Variants in NPAS3 observed in about 807,000 individuals in gnomAD.
NPAS3 encodes neuronal PAS domain protein 3.
Under a neutral mutation model 73.1 loss-of-function variants are expected in NPAS3, and 14 were observed. That is an observed-to-expected ratio of 0.19 (90% CI 0.13 to 0.30). NPAS3 has a LOEUF of 0.30. Ranked by LOEUF, NPAS3 falls within the 10% of genes least tolerant of loss-of-function variation. The probability of loss-of-function intolerance (pLI) is 1.00; values close to 1 mark genes in which losing one functional copy is unlikely to be tolerated. For synonymous variants in NPAS3, 620 were observed against 541.5 expected, an observed-to-expected ratio of 1.14 and a Z score of -2.01; for missense variants, 1,096 against 1,250.0, an observed-to-expected ratio of 0.88 and a Z score of 1.86.
At chr14:33,612,376 A>T (rs1051608080) in intron 5 of NPAS3, 7 of 455,616 alleles carry the variant, frequency 1.5e-5, no homozygotes, top group African/African-American at 1.0e-4. Flanking sequence ...CCACGCCCTG[A>T]AACCTGTTGT....
intron 3 of NPAS3, among the ~76,000 whole-genome samples, chr14:33,268,488 G>A (rs1047166228): frequency 4.6e-5 from 7 of 152,048 alleles, no homozygotes; most frequent in Non-Finnish European, 1.0e-4. Context: ...AATTGGCCTT[G>A]TCTTTGATGT....
chr14:32,963,961 C>T (rs1197084073), intron 1 of NPAS3, among the ~76,000 whole-genome samples: 6 of 151,892 alleles, frequency 4.0e-5, no homozygotes, highest in Non-Finnish European at 5.9e-5. Flanking sequence ...TTCAGTTTTT[C>T]GCTATCCTTC....
chr14:33,495,599 TG>T, intron 4 of NPAS3, among the ~76,000 whole-genome samples: 1 of 152,100 alleles, frequency 6.6e-6, no homozygotes, highest in South Asian at 2.1e-4. Context: ...TATTATTGCG[TG>T]GGAGTCTAAG....
chr14:33,571,391 C>T (rs143657512), intron 5 of NPAS3, among the ~76,000 whole-genome samples: 5 of 152,138 alleles, frequency 3.3e-5, no homozygotes, highest in Admixed American at 1.3e-4. Context: ...GGGAGCCTGG[C>T]GAAGTAGGCT....
intron 3 of NPAS3, among the ~76,000 whole-genome samples, chr14:33,366,016 G>T: frequency 6.6e-6 from 1 of 152,170 alleles, no homozygotes; most frequent in East Asian, 1.9e-4. Flanking sequence ...TTCAAAAAAA[G>T]CAGGAAGATA....
At chr14:33,351,318 C>T (rs752986318) in intron 3 of NPAS3, among the ~76,000 whole-genome samples, 57 of 152,118 alleles carry the variant, frequency 3.7e-4, no homozygotes, top group Non-Finnish European at 6.0e-4. Context: ...ATGACATGAC[C>T]GATGAGGACT....
At chr14:33,582,045 A>T (rs773894947) in intron 5 of NPAS3, 7 of 152,200 alleles carry the variant, frequency 4.6e-5, no homozygotes, top group South Asian at 2.1e-4. Context: ...TACTCACGGC[A>T]AAATTTTTAT....
chr14:33,072,785 T>C (rs144410048), intron 2 of NPAS3, among the ~76,000 whole-genome samples: 3,114 of 152,280 alleles, frequency 0.02, 39 homozygotes, highest in Non-Finnish European at 0.031. Context: ...TTTAGGCCTT[T>C]GGTTTCCTTG....
intron 1 of NPAS3, among the ~76,000 whole-genome samples, chr14:33,025,692 C>T (rs540961745): frequency 5.3e-5 from 8 of 152,274 alleles, no homozygotes; most frequent in South Asian, 2.1e-4. Context: ...TAAATTCTCA[C>T]GAGATCTGAT....
At chr14:33,481,232 G>A (rs904270941) in intron 4 of NPAS3, among the ~76,000 whole-genome samples, 1 of 152,020 alleles carries the variant, frequency 6.6e-6, no homozygotes, top group East Asian at 1.9e-4. Flanking sequence ...AATTATAAGG[G>A]GTAACATCTA....
chr14:33,176,872 C>T (rs2045606355), intron 2 of NPAS3, among the ~76,000 whole-genome samples: 1 of 151,966 alleles, frequency 6.6e-6, no homozygotes, highest in South Asian at 2.1e-4. Context: ...CATATCCTTG[C>T]CAAGACTTGT....
At chr14:33,231,819 C>T (rs1300778456) in intron 3 of NPAS3, among the ~76,000 whole-genome samples, 1 of 152,088 alleles carries the variant, frequency 6.6e-6, no homozygotes, top group African/African-American at 2.4e-5. Context: ...AACTTAGATG[C>T]TTTGTATATT....
At chr14:33,465,518 A>G (rs759660984) in intron 4 of NPAS3, among the ~76,000 whole-genome samples, 29 of 152,230 alleles carry the variant, frequency 1.9e-4, no homozygotes, top group Admixed American at 9.8e-4. Context: ...TTGGTTGAGC[A>G]CTTACTACAT....
intron 1 of NPAS3, among the ~76,000 whole-genome samples, chr14:32,991,888 C>T (rs567915836): frequency 3.3e-5 from 5 of 152,270 alleles, no homozygotes; most frequent in South Asian, 4.1e-4. Flanking sequence ...AGGGCAGATC[C>T]GTCTCTCTCG....
At chr14:33,152,596 T>C (rs143625844) in intron 2 of NPAS3, among the ~76,000 whole-genome samples, 8 of 152,276 alleles carry the variant, frequency 5.3e-5, no homozygotes, top group Admixed American at 2.6e-4. Flanking sequence ...CTCTATTACA[T>C]CCTTAAGTGA....
Position 33,800,157 on chromosome 14 carries a change from T to A in NPAS3, c.1850T>A (p.Leu617Gln). 6.2e-7 allele frequency: 1 copy of A among 1,602,502 alleles called. No individual in the cohort carries two copies. Among genetic ancestry groups the A allele is most frequent in the Non-Finnish European group, 8.5e-7 (1 of 1,175,352 alleles). ...GGCGGCAGCGCCAGCCGCCGGCGCC[T>A]GTCCAGCGCGTCGAGCCCAGGCGGC... The change falls in exon 12 of 12, where the codon CTG becomes CAG. Residue 617 changes from leucine (L) to glutamine (Q), a missense_variant. Leu to Gln is a moderately radical substitution (Grantham distance 113). Around this residue, in one of 5 missense-constraint regions of NPAS3, gnomAD observed 698 missense variants for 676.7 expected, o/e 1.03. Coordinates refer to ENST00000356141, the Ensembl canonical transcript of NPAS3. The surrounding 1 kb of genome is among the most constrained non-coding windows in gnomAD (Gnocchi z 6.5).
At chr14:33,501,869 A>G (rs1445825575) in intron 4 of NPAS3, among the ~76,000 whole-genome samples, 1 of 151,926 alleles carries the variant, frequency 6.6e-6, no homozygotes, top group Non-Finnish European at 1.5e-5. Flanking sequence ...TCACAAAACA[A>G]AGAGATAACT....
At chr14:33,409,866 G>A (rs1049947619) in intron 4 of NPAS3, among the ~76,000 whole-genome samples, 1 of 152,156 alleles carries the variant, frequency 6.6e-6, no homozygotes, top group Non-Finnish European at 1.5e-5. Flanking sequence ...AGCAGAAAAT[G>A]ACAGGAGACA....
At chr14:33,502,730 A>G (rs1228622253) in intron 4 of NPAS3, among the ~76,000 whole-genome samples, 1 of 151,806 alleles carries the variant, frequency 6.6e-6, no homozygotes, top group Non-Finnish European at 1.5e-5. Flanking sequence ...TCAGAATATC[A>G]TGTGCTAAAA....
Sources: allele counts gnomAD v4.1 joint callset (sites outside exome capture counted in the v4.1 genomes callset), GRCh38; gene constraint gnomAD v4.1.1; regional missense constraint gnomAD v4.1.1; non-coding constraint Gnocchi (gnomAD v3.1); transcripts MANE v1.5; gene names NCBI Gene and HGNC (gene_info 2026-07-23, HGNC 2026-07-21).